The following NSUN7 variants were observed in gnomAD, a reference collection of about 807,000 sequenced individuals.
NSUN7 encodes NOP2/Sun RNA methyltransferase family member 7, also known as protein NSUN7.
NSUN7 carries 39 observed loss-of-function variants against 58.5 expected under a neutral mutation model. The observed-to-expected ratio is 0.67, with a 90% CI of 0.52 to 0.87. NSUN7 has a LOEUF of 0.87. NSUN7 is among the 40% of genes least tolerant of loss of function. The probability of loss-of-function intolerance (pLI) is 0.00; values close to 1 mark genes in which losing one functional copy is unlikely to be tolerated. For synonymous variants in NSUN7, 278 were observed against 303.7 expected, an observed-to-expected ratio of 0.92 and a Z score of 0.88; for missense variants, 765 against 844.1, an observed-to-expected ratio of 0.91 and a Z score of 1.16.
rs146290077 is a variant in NSUN7, at chr4:40,761,238, G to C, written c.425G>C (p.Arg142Pro). The C allele has an allele frequency of 1.9e-6, 3 of 1,589,222 alleles. No homozygotes were observed. Among genetic ancestry groups the C allele is most frequent in the South Asian group, 1.2e-5 (1 of 86,294 alleles). ...YDFQDRKFQT[R>P]VLSDNEEPIS... ...TTCCAAGATAGAAAATTTCAAACTC[G>C]TGTCCTTTCTGATAATGAAGAGCCC... The change falls in exon 4 of 12, where the codon CGT becomes CCT. Residue 142 changes from arginine (R) to proline (P), a missense_variant. Transcript: ENST00000381782.
chr4:40,780,754 TACACACACAC>T (rs796117262), intron 7 of NSUN7, among the ~76,000 whole-genome samples: 6 of 104,242 alleles, frequency 5.8e-5, no homozygotes, highest in South Asian at 3.3e-4. Flanking sequence ...AACATTGAAA[TACACACACAC>T]ACACACACAC....
intron 10 of NSUN7, among the ~76,000 whole-genome samples, chr4:40,804,059 T>G (rs1162582897): frequency 6.6e-6 from 1 of 152,222 alleles, no homozygotes. Flanking sequence ...ATGCATGGGC[T>G]TATTTCTGGA....
chr4:40,753,671 A>C (rs901598274), intron 2 of NSUN7, among the ~76,000 whole-genome samples: 1 of 152,198 alleles, frequency 6.6e-6, no homozygotes, highest in African/African-American at 2.4e-5. Context: ...TACTTGTTAA[A>C]TATATTTTTT....
At chr4:40,766,343 G>A (rs551127099) in intron 4 of NSUN7, among the ~76,000 whole-genome samples, 4 of 151,920 alleles carry the variant, frequency 2.6e-5, no homozygotes, top group East Asian at 1.9e-4. Flanking sequence ...AGATAATCAT[G>A]TGGTTTTTGT....
At chr4:40,794,793 G>A (rs566062030) in intron 9 of NSUN7, among the ~76,000 whole-genome samples, 1 of 152,060 alleles carries the variant, frequency 6.6e-6, no homozygotes, top group Non-Finnish European at 1.5e-5. Context: ...TTTCTTACTC[G>A]ATATAATTTT....
intron 7 of NSUN7, among the ~76,000 whole-genome samples, chr4:40,779,407 T>G (rs559539740): frequency 6.6e-6 from 1 of 152,148 alleles, no homozygotes; most frequent in South Asian, 2.1e-4. Context: ...ATCGAGACCA[T>G]CCTGGCTAAC....
At chr4:40,785,881 A>T (rs1026779622) in intron 7 of NSUN7, among the ~76,000 whole-genome samples, 1 of 152,248 alleles carries the variant, frequency 6.6e-6, no homozygotes, top group Non-Finnish European at 1.5e-5. Context: ...GAAAAATAGC[A>T]TCAAAGCTGG....
intron 2 of NSUN7, among the ~76,000 whole-genome samples, chr4:40,759,045 C>T (rs529981373): frequency 1.3e-5 from 2 of 152,290 alleles, no homozygotes; most frequent in Admixed American, 6.5e-5. Context: ...CACGGTGGCT[C>T]ACGCCTCTAA....
At chr4:40,801,716 G>T (rs1256955950) in intron 10 of NSUN7, among the ~76,000 whole-genome samples, 4 of 151,940 alleles carry the variant, frequency 2.6e-5, no homozygotes, top group African/African-American at 9.6e-5. Context: ...TGGGCAATGT[G>T]GTGAAACCTC....
At chr4:40,786,639 G>A (rs537295520) in intron 7 of NSUN7, 4 of 1,603,812 alleles carry the variant, frequency 2.5e-6, no homozygotes, top group Admixed American at 3.5e-5. Flanking sequence ...ATGGCCTAAA[G>A]GAAGGACTTG....
At position 40,776,086 on chromosome 4, in the gene NSUN7, C is replaced by T. The variant is rs376456213; in HGVS notation, c.863C>T (p.Ala288Val). The change falls in exon 7 of 12, where the codon GCT (alanine) becomes GTT (valine). Residue 288 changes from alanine (A) to valine (V), a missense_variant. Ala to Val is a moderately conservative substitution (Grantham distance 64, BLOSUM62 0). Coordinates refer to ENST00000381782, the MANE Select transcript of NSUN7 (RefSeq NM_024677.6). The part of the protein sequence containing the change: ...SRSLAVHSVK[A>V]LLNMDDDVLM... ...AGTCTTGCTGTCCATTCTGTAAAGGCTTTATTAAATATGGATGATGATGTC... is the reference window on the plus strand; with the variant it reads ...AGTCTTGCTGTCCATTCTGTAAAGGTTTTATTAAATATGGATGATGATGTC... 1.9e-5 allele frequency: 30 copies of T among 1,609,240 alleles called. No homozygotes were observed. In the East Asian group the frequency reaches 2.0e-4, roughly 11 times the overall value.
chr4:40,751,109 G>T (rs913962692), intron 2 of NSUN7, 118 bp downstream of exon 2: 1 of 1,107,220 alleles, frequency 9.0e-7, no homozygotes. Flanking sequence ...TTTTAGGCAT[G>T]TGCATATCTT....
chr4:40,798,936 C>CA (rs758383937), intron 10 of NSUN7, 32 bp downstream of exon 10: 1 of 1,085,874 alleles, frequency 9.2e-7, no homozygotes, highest in East Asian at 2.4e-5. Context: ...CTAAACAACT[C>CA]AAACAAATAT....
chr4:40,799,102 T>TA (rs1369602340), intron 10 of NSUN7, among the ~76,000 whole-genome samples, 198 bp downstream of exon 10: 12 of 130,474 alleles, frequency 9.2e-5, no homozygotes, highest in South Asian at 5.2e-4. Flanking sequence ...TTTTTTTTTT[T>TA]AAAGATGGAA....
rs56868885 is a variant in NSUN7 at position 40,801,901 on chromosome 4, CAAAAA to C, written c.1400+3011_1400+3015del. Among the ~76,000 whole-genome samples, 229 of 107,406 alleles carry C rather than the reference CAAAAA, an allele frequency of 2.1e-3. 1 individual carries two copies. The East Asian group carries it at 0.027, about 13-fold the overall frequency. The allele number at this position is 107,406 out of a possible 152,430, so 70.5% of individuals were successfully genotyped here. A position where few individuals can be genotyped will look rare whatever the true frequency, so the allele number is the denominator to read the frequency against. On this transcript the variant is annotated intron_variant, in intron 10 of 11. Transcript: ENST00000381782. ...CGGGTGACAGAGGGAGACTCTGTCTCAAAAAAAAAAAAAAAAAAGAAAAGAAAAGA... is the reference window on the plus strand; with the variant it reads ...CGGGTGACAGAGGGAGACTCTGTCTCAAAAAAAAAAAAAGAAAAGAAAAGA...
chr4:40,757,539 A>ATATATATATATAAAAAT (rs945406175), intron 2 of NSUN7, among the ~76,000 whole-genome samples: 7 of 146,618 alleles, frequency 4.8e-5, no homozygotes, highest in Non-Finnish European at 7.5e-5. Flanking sequence ...GTAAAATTAT[A>ATATATATATATAAAAAT]TATATATATA....
At chr4:40,797,312 C>T (rs1743363235) in intron 9 of NSUN7, among the ~76,000 whole-genome samples, 1 of 152,172 alleles carries the variant, frequency 6.6e-6, no homozygotes, top group African/African-American at 2.4e-5. Context: ...CTATGTGACT[C>T]CCAAATCTGT....
At chr4:40,798,934 C>A in intron 10 of NSUN7, 30 bp downstream of exon 10, 2 of 1,103,940 alleles carry the variant, frequency 1.8e-6, no homozygotes, top group Non-Finnish European at 2.7e-6. Flanking sequence ...TTCTAAACAA[C>A]TCAAACAAAT....
chr4:40,795,983 T>C (rs1210156035), intron 9 of NSUN7, among the ~76,000 whole-genome samples: 1 of 152,246 alleles, frequency 6.6e-6, no homozygotes, highest in East Asian at 1.9e-4. Context: ...GCTTCCATGC[T>C]ATCTTTGACC....
Sources: gnomAD v4.1 joint callset for allele counts (sites outside exome capture counted in the v4.1 genomes callset) on GRCh38, gnomAD v4.1.1 for gene constraint, MANE v1.5 for transcripts, NCBI Gene and HGNC (gene_info 2026-07-23, HGNC 2026-07-21) for gene names.